The following PTPRG variants were observed in gnomAD, a reference collection of about 807,000 sequenced individuals.
PTPRG encodes receptor-type tyrosine-protein phosphatase gamma.
Under a neutral mutation model 165.3 loss-of-function variants are expected in PTPRG, and 102 were observed. That is an observed-to-expected ratio of 0.62 (90% CI 0.53 to 0.73). The LOEUF is 0.73. Ranked by LOEUF, PTPRG falls within the 30% of genes least tolerant of loss-of-function variation. PTPRG has a pLI of 0.00. For synonymous variants in PTPRG, 675 were observed against 669.5 expected, an observed-to-expected ratio of 1.01 and a Z score of -0.13; for missense variants, 1,866 against 1,861.4, an observed-to-expected ratio of 1.00 and a Z score of -0.05.
At chr3:61,707,787 C>T (rs2031337460) in intron 1 of PTPRG, among the ~76,000 whole-genome samples, 1 of 151,934 alleles carries the variant, frequency 6.6e-6, no homozygotes, top group Non-Finnish European at 1.5e-5. Context: ...TTTTTTAATG[C>T]CTATTTTATT....
At chr3:61,782,251 A>G (rs539339178) in intron 2 of PTPRG, among the ~76,000 whole-genome samples, 1 of 152,200 alleles carries the variant, frequency 6.6e-6, no homozygotes, top group Non-Finnish European at 1.5e-5. Flanking sequence ...TTGCTTAAAG[A>G]TGAGCTTACT....
At chr3:62,011,393 T>A (rs538642889) in intron 4 of PTPRG, among the ~76,000 whole-genome samples, 1 of 152,328 alleles carries the variant, frequency 6.6e-6, no homozygotes, top group African/African-American at 2.4e-5. Flanking sequence ...GTTTCTTTTT[T>A]CACAGAGTCC....
At chr3:61,651,544 A>G (rs1702354874) in intron 1 of PTPRG, among the ~76,000 whole-genome samples, 1 of 152,172 alleles carries the variant, frequency 6.6e-6, no homozygotes, top group African/African-American at 2.4e-5. Flanking sequence ...TAATGGGTCC[A>G]TGTGGGAATT....
At chr3:61,792,706 TTCTTTCTTTC>T in intron 2 of PTPRG, among the ~76,000 whole-genome samples, 1 of 132,788 alleles carries the variant, frequency 7.5e-6, no homozygotes, top group Non-Finnish European at 1.5e-5. Flanking sequence ...CTTTCTTTCT[TTCTTTCTTTC>T]TTTCTTTCTT....
At chr3:61,617,369 TAGTC>T (rs775802911) in intron 1 of PTPRG, among the ~76,000 whole-genome samples, 3 of 152,178 alleles carry the variant, frequency 2.0e-5, no homozygotes, top group South Asian at 2.1e-4. Context: ...CTGGATAAAA[TAGTC>T]AGGGACTTGT....
chr3:61,929,066 T>C (rs148302035), intron 2 of PTPRG, among the ~76,000 whole-genome samples: 1 of 152,284 alleles, frequency 6.6e-6, no homozygotes, highest in African/African-American at 2.4e-5. Flanking sequence ...TGGCCCCAAA[T>C]GAGAAACCCT....
chr3:61,965,119 C>G (rs2040238895), intron 2 of PTPRG, among the ~76,000 whole-genome samples: 1 of 151,908 alleles, frequency 6.6e-6, no homozygotes, highest in African/African-American at 2.4e-5. Flanking sequence ...TGGCATGTAC[C>G]TGTAATCCCG....
chr3:61,562,098 T>G lies in PTPRG; in HGVS notation c.-190T>G. 1 of 577,678 alleles carries G rather than the reference T, an allele frequency of 1.7e-6. No homozygotes were observed. Among genetic ancestry groups the G allele is most frequent in the Non-Finnish European group, 3.1e-6 (1 of 324,738 alleles). 35.8% of individuals were successfully genotyped at this position (577,678 alleles called of 1,614,324 possible). A position where few individuals can be genotyped will look rare whatever the true frequency, so the allele number is the denominator to read the frequency against. On this transcript the variant is annotated 5_prime_UTR_variant, in exon 1 of 30. Transcript: ENST00000474889. Reference sequence around the variant, plus strand: ...CGTGGCTCTGCGTTCCCGGTCACTTTTTGAGATTTTCCGGGGGGCGCTCGG... The same window carrying G: ...CGTGGCTCTGCGTTCCCGGTCACTTGTTGAGATTTTCCGGGGGGCGCTCGG...
intron 2 of PTPRG, among the ~76,000 whole-genome samples, chr3:61,755,381 C>T (rs1232001873): frequency 6.6e-6 from 1 of 152,234 alleles, no homozygotes; most frequent in Admixed American, 6.5e-5. Context: ...TCCTCCATGT[C>T]TCAGCTCAAA....
intron 2 of PTPRG, among the ~76,000 whole-genome samples, chr3:61,807,632 A>G (rs2035454395): frequency 6.6e-6 from 1 of 152,268 alleles, no homozygotes. Flanking sequence ...AGACTGCTAG[A>G]AAATAACATA....
At chr3:62,014,121 CAGAAG>C (rs2041487530) in intron 4 of PTPRG, among the ~76,000 whole-genome samples, 1 of 152,150 alleles carries the variant, frequency 6.6e-6, no homozygotes, top group Non-Finnish European at 1.5e-5. Context: ...CACCGTCACT[CAGAAG>C]GGACAGTCAG....
chr3:61,887,119 CAT>C (rs200858783), intron 2 of PTPRG, among the ~76,000 whole-genome samples: 1,810 of 102,896 alleles, frequency 0.018, 67 homozygotes, highest in East Asian at 0.12. Context: ...ATAACCATAG[CAT>C]GCATATATAT....
intron 24 of PTPRG, among the ~76,000 whole-genome samples, chr3:62,276,262 A>C (rs545292389): frequency 6.6e-6 from 1 of 152,282 alleles, no homozygotes; most frequent in South Asian, 2.1e-4. Flanking sequence ...TCTGACGTAG[A>C]ATACAGCTTC....
chr3:62,058,192 A>G (rs1357852645), intron 4 of PTPRG, among the ~76,000 whole-genome samples: 1 of 152,204 alleles, frequency 6.6e-6, no homozygotes, highest in East Asian at 1.9e-4. Context: ...GTGTGTACCT[A>G]GCCCAAGCTA....
At position 61,607,751 on chromosome 3, in the gene PTPRG, C is replaced by T. The variant is rs1486825867; in HGVS notation, c.85+45379C>T. Among the ~76,000 whole-genome samples, 3 of 152,088 alleles carry T rather than the reference C, an allele frequency of 2.0e-5. No individual in the cohort carries two copies. The East Asian group carries it at 5.8e-4, about 29-fold the overall frequency. ...AGGGCCCACTTTCTTCAGTGGGTCT[C>T]TGTGATGGCTGAAACGGGTTGCAAA... On this transcript the variant is annotated intron_variant, in intron 1 of 29. Transcript: ENST00000474889.
At chr3:61,926,264 T>A (rs2039208563) in intron 2 of PTPRG, among the ~76,000 whole-genome samples, 1 of 152,134 alleles carries the variant, frequency 6.6e-6, no homozygotes, top group Non-Finnish European at 1.5e-5. Context: ...AGTTGGGTCC[T>A]GGTGAGAGGT....
intron 1 of PTPRG, among the ~76,000 whole-genome samples, chr3:61,709,729 T>C (rs2031456116): frequency 6.6e-6 from 1 of 152,200 alleles, no homozygotes. Context: ...ATGCCTCCTC[T>C]TGACTATTAC....
In PTPRG at chr3:61,995,080, C is replaced by CTTTTTT. The variant is rs1233679653; in HGVS notation, c.370+5279_370+5280insTTTTTT. On this transcript the variant is annotated intron_variant, in intron 3 of 29. Coordinates refer to ENST00000474889, the MANE Select transcript of PTPRG (RefSeq NM_002841.4). ...TTCTTTTTTCTTTTTTCTTTTCTTT[C>CTTTTTT]TTTCTTTTTTTTTTTTTTTTTTTTT... Among the ~76,000 whole-genome samples, 67 of 107,388 alleles carry CTTTTTT rather than the reference C, an allele frequency of 6.2e-4. 4 individuals carry two copies. Among genetic ancestry groups the CTTTTTT allele is most frequent in the African/African-American group, 2.2e-3 (54 of 24,236 alleles). 70.5% of individuals were successfully genotyped at this position (107,388 alleles called of 152,430 possible).
intron 4 of PTPRG, 150 bp downstream of exon 4, chr3:62,003,647 G>A (rs2041226665): frequency 8.2e-6 from 8 of 974,532 alleles, no homozygotes; most frequent in Non-Finnish European, 1.2e-5. Flanking sequence ...TAGTATGGCA[G>A]GTGGGTATCC....
Sources: allele counts gnomAD v4.1 joint callset (sites outside exome capture counted in the v4.1 genomes callset), GRCh38; gene constraint gnomAD v4.1.1; transcripts MANE v1.5; gene names NCBI Gene and HGNC (gene_info 2026-07-23, HGNC 2026-07-21).